Variants in SPPL2B observed in about 807,000 individuals in gnomAD.
SPPL2B encodes the protein signal peptide peptidase like 2B, also known as signal peptide peptidase-like 2B.
In SPPL2B, 39 loss-of-function variants were observed where a neutral mutation model predicts 59.7. The ratio of observed to expected loss-of-function variants is 0.65; its 90% CI spans 0.51 to 0.85. The LOEUF (loss-of-function observed/expected upper bound fraction) is 0.85, where lower values mean the gene tolerates loss of function less well. Among genes scored for constraint, SPPL2B ranks in the 40% least tolerant of loss-of-function variants. SPPL2B has a pLI of 0.00. For missense variants in SPPL2B, 865 were observed against 849.0 expected, an observed-to-expected ratio of 1.02 and a Z score of -0.23; for synonymous variants, 419 against 370.8, an observed-to-expected ratio of 1.13 and a Z score of -1.49.
chr19:2,345,217 G>C (rs751041523), intron 12 of SPPL2B, 36 bp from the exon 13 acceptor site: 10 of 1,596,350 alleles, frequency 6.3e-6, no homozygotes, highest in Middle Eastern at 1.7e-4. Context: ...GAGGCTCTGC[G>C]GGCCCGAGTA....
chr19:2,336,487 G>GTGCA (rs1968621067), intron 2 of SPPL2B, among the ~76,000 whole-genome samples: 1 of 152,048 alleles, frequency 6.6e-6, no homozygotes, highest in Non-Finnish European at 1.5e-5. Context: ...GTGTGTGTGA[G>GTGCA]TGCATGTGTA....
Position 2,332,211 on chromosome 19 carries a change from G to T in SPPL2B, c.67-2391G>T, listed in dbSNP as rs1335833096. The stretch of plus-strand genomic sequence containing the variant: ...AGACCCCCAGTCGATTGTGGGGACC[G>T]GGGCTCCGTGGGCTTTCACCATGCT... On this transcript the variant is annotated intron_variant, in intron 1 of 14. Coordinates refer to ENST00000613503, the MANE Select transcript of SPPL2B (RefSeq NM_152988.3). The surrounding 1 kb of genome is among the most constrained non-coding windows in gnomAD (Gnocchi z 4.6). Among the ~76,000 whole-genome samples, 1 of 152,202 alleles carries T rather than the reference G, an allele frequency of 6.6e-6. No homozygotes were observed. The highest frequency in any genetic ancestry group is 1.5e-5 in the Non-Finnish European group (1 of 68,036).
At chr19:2,328,947 G>A (rs978502686) in intron 1 of SPPL2B, among the ~76,000 whole-genome samples, 172 bp downstream of exon 1, 1 of 152,102 alleles carries the variant, frequency 6.6e-6, no homozygotes, top group African/African-American at 2.4e-5. Context: ...GTGACCTTGC[G>A]GGTCTGTCCC....
chr19:2,330,279 T>TTTTC (rs1968214454), intron 1 of SPPL2B: 2 of 149,672 alleles, frequency 1.3e-5, no homozygotes, highest in East Asian at 3.9e-4. Context: ...GGCTAAATTT[T>TTTTC]TTTTTTTTTT....
At chr19:2,343,597 G>A (rs73522306) in intron 9 of SPPL2B, among the ~76,000 whole-genome samples, 10,219 of 152,130 alleles carry the variant, frequency 0.067, 1,139 homozygotes, top group African/African-American at 0.23. Context: ...CCGGGAGTGC[G>A]GGGATGTTGT....
At chr19:2,343,847 C>CGCT (rs1969198948) in intron 9 of SPPL2B, 118 bp from the exon 10 acceptor site, 2 of 732,364 alleles carry the variant, frequency 2.7e-6, no homozygotes, top group South Asian at 3.3e-5. Context: ...GCACTGGGCA[C>CGCT]GCTCTGCTCA....
intron 1 of SPPL2B, chr19:2,330,586 TGG>T (rs111676128): frequency 0.13 from 19,236 of 151,792 alleles, 1,396 homozygotes; most frequent in African/African-American, 0.18. Flanking sequence ...GGAATAATGC[TGG>T]AAGGAAGGGT....
At chr19:2,337,389 G>T (rs537507108) in intron 2 of SPPL2B, 54 bp from the exon 3 acceptor site, 3 of 1,495,936 alleles carry the variant, frequency 2.0e-6, no homozygotes, top group Non-Finnish European at 2.7e-6. Flanking sequence ...GGGCAGCTGG[G>T]CCCTCCTGGT....
chr19:2,332,146 G>T lies in SPPL2B; in HGVS notation c.67-2456G>T, dbSNP rs1473191833. ...TGGGAGGTGCTTGGAGTGGGGCTGGGGCAGCTGTGGGAAGGAAGCAGCATT... is the reference window on the plus strand; with the variant it reads ...TGGGAGGTGCTTGGAGTGGGGCTGGTGCAGCTGTGGGAAGGAAGCAGCATT... On this transcript the variant is annotated intron_variant, in intron 1 of 14. Transcript: ENST00000613503. The surrounding 1 kb of genome is among the most constrained non-coding windows in gnomAD (Gnocchi z 4.6). Among the ~76,000 whole-genome samples, 3 of 152,240 alleles carry T rather than the reference G, an allele frequency of 2.0e-5. No homozygotes were observed. Among genetic ancestry groups the T allele is most frequent in the African/African-American group, 7.2e-5 (3 of 41,458 alleles).
chr19:2,351,854 CCAGGGGTGCCGGGTGGGACG>C (rs1969944964), intron 14 of SPPL2B, among the ~76,000 whole-genome samples: 2 of 145,562 alleles, frequency 1.4e-5, no homozygotes, highest in Admixed American at 6.8e-5. Flanking sequence ...CGGGTGGGGC[CCAGGGGTGCCGGGTGGGACG>C]CGGGGGTGCC....
Position 2,328,858 on chromosome 19 carries a change from C to T in SPPL2B, c.66+83C>T, listed in dbSNP as rs577318861. 7.4e-4 allele frequency: 889 copies of T among 1,195,746 alleles called. 9 individuals carry two copies. The African/African-American group carries it at 0.013, about 17-fold the overall frequency. The allele number at this position is 1,195,746 out of a possible 1,614,324, so 74.1% of individuals were successfully genotyped here. ...CCCCGGGCTACGCGCAGGAACGACC[C>T]CGCTCGGCCCGTCTTGGGGGTCCAG... On this transcript the variant is annotated intron_variant, in intron 1 of 14. Transcript: ENST00000613503.
At chr19:2,352,859 C>A in intron 14 of SPPL2B, 87 bp from the exon 15 acceptor site, 3 of 1,455,836 alleles carry the variant, frequency 2.1e-6, no homozygotes, top group Admixed American at 2.0e-5. Flanking sequence ...GCCCCCGTGG[C>A]CTGCGGGTGC....
At chr19:2,342,958 G>A (rs1356759575) in intron 8 of SPPL2B, 1 of 525,488 alleles carries the variant, frequency 1.9e-6, no homozygotes, top group South Asian at 2.1e-5. Flanking sequence ...CCTGGCTGCC[G>A]AGTGGTGGGC....
intron 13 of SPPL2B, among the ~76,000 whole-genome samples, chr19:2,348,178 G>T (rs1240337781): frequency 2.1e-5 from 2 of 96,966 alleles, no homozygotes; most frequent in African/African-American, 4.5e-5. Flanking sequence ...ACACACTCGC[G>T]CTCTCATTCG....
At chr19:2,344,459 T>G (rs184794087) in intron 11 of SPPL2B, 35 bp downstream of exon 11, 40 of 1,569,918 alleles carry the variant, frequency 2.5e-5, no homozygotes, top group Non-Finnish European at 3.2e-5. Flanking sequence ...CAGGTTGCCA[T>G]GGGTCAAGGT....
chr19:2,339,532 A>G (rs962496175), intron 5 of SPPL2B: 2 of 579,896 alleles, frequency 3.4e-6, no homozygotes, highest in Admixed American at 3.0e-5. Context: ...GGGAGGCCCC[A>G]TGTCCAGGGC....
chr19:2,334,763 G>A (rs1217159358), intron 2 of SPPL2B, 42 bp downstream of exon 2: 12 of 1,482,578 alleles, frequency 8.1e-6, no homozygotes, highest in Admixed American at 2.4e-5. Flanking sequence ...AGGAGAATGC[G>A]GGGGCCCCGG....
chr19:2,348,451 T>C (rs374575180), intron 13 of SPPL2B, among the ~76,000 whole-genome samples: 3,324 of 20,730 alleles, frequency 0.16, no homozygotes, highest in African/African-American at 0.27. Context: ...CACACACTCA[T>C]GCGCTGTCAT....
intron 13 of SPPL2B, among the ~76,000 whole-genome samples, chr19:2,349,146 C>CAT (rs2145201006): frequency 9.9e-6 from 1 of 100,858 alleles, no homozygotes; most frequent in African/African-American, 4.3e-5. Flanking sequence ...CGTTCTCATT[C>CAT]GCTTGATTCC....
Sources: allele counts gnomAD v4.1 joint callset (sites outside exome capture counted in the v4.1 genomes callset), GRCh38; gene constraint gnomAD v4.1.1; non-coding constraint Gnocchi (gnomAD v3.1); transcripts MANE v1.5; gene names NCBI Gene and HGNC (gene_info 2026-07-23, HGNC 2026-07-21).